RP1: variants seen among roughly 807,000 people sequenced by gnomAD.
The protein encoded by RP1 is RP1 axonemal microtubule associated.
Under a neutral mutation model 14.8 loss-of-function variants are expected in RP1, and 16 were observed. The observed-to-expected ratio is 1.08, with a 90% CI of 0.73 to 1.65. The LOEUF (loss-of-function observed/expected upper bound fraction) is 1.65. Among genes scored for constraint, RP1 ranks in the 40% most tolerant of loss-of-function variants. The probability of loss-of-function intolerance (pLI) is 0.00; values close to 1 mark genes in which losing one functional copy is unlikely to be tolerated. For synonymous variants in RP1, 876 were observed against 883.6 expected (o/e 0.99, Z 0.15); for missense variants, 2,631 against 2,535.0 (o/e 1.04, Z -0.81).
chr8:54,725,584 T>C (rs372735760), intron 16 of RP1, among the ~76,000 whole-genome samples: 3 of 152,336 alleles, frequency 2.0e-5, no homozygotes, highest in African/African-American at 7.2e-5. Flanking sequence ...TCATCTTACA[T>C]CGTTGACTGC....
chr8:54,763,280 A>T (rs1809685469), intron 22 of RP1, among the ~76,000 whole-genome samples: 1 of 152,144 alleles, frequency 6.6e-6, no homozygotes, highest in South Asian at 2.1e-4. Flanking sequence ...ATATTTGATA[A>T]CCTACTTGAC....
intron 26 of RP1, among the ~76,000 whole-genome samples, chr8:54,855,423 A>G (rs1812169581): frequency 6.6e-6 from 1 of 152,246 alleles, no homozygotes; most frequent in African/African-American, 2.4e-5. Flanking sequence ...TGATGTCGCT[A>G]TGAACATGAC....
intron 17 of RP1, among the ~76,000 whole-genome samples, chr8:54,733,469 A>T (rs1325218325): frequency 6.6e-6 from 1 of 152,128 alleles, no homozygotes; most frequent in South Asian, 2.1e-4. Flanking sequence ...CTTTCATAGC[A>T]TTTGTTTTTA....
chr8:54,706,576 G>A (rs1585623592), exon 15 of RP1: 1 of 1,536,042 alleles, frequency 6.5e-7, no homozygotes, highest in East Asian at 2.4e-5. Flanking sequence ...CATAAAATCA[G>A]CTCTGGGATT....
At chr8:54,727,377 T>C (rs578152243) in intron 17 of RP1, among the ~76,000 whole-genome samples, 1 of 152,226 alleles carries the variant, frequency 6.6e-6, no homozygotes, top group East Asian at 1.9e-4. Context: ...TTCAGTCTTG[T>C]GTCAGGAAGT....
At chr8:54,805,652 T>C (rs1317397030) in intron 24 of RP1, among the ~76,000 whole-genome samples, 1 of 152,146 alleles carries the variant, frequency 6.6e-6, no homozygotes, top group Non-Finnish European at 1.5e-5. Context: ...GGTATATTAG[T>C]TATAACATCC....
chr8:54,744,559 A>G (rs1809180275), intron 19 of RP1, among the ~76,000 whole-genome samples: 1 of 152,246 alleles, frequency 6.6e-6, no homozygotes, highest in Non-Finnish European at 1.5e-5. Context: ...TTGTTTAGGT[A>G]GAGTCACTTG....
rs530833786 is a variant in RP1, at chr8:54,869,856, T to A, written c.4165T>A (p.Tyr1389Asn). 3.4e-5 allele frequency: 42 copies of A among 1,230,362 alleles called. No homozygotes were observed. In the South Asian group the frequency reaches 1.6e-3, roughly 46 times the overall value. The allele number at this position is 1,230,362 out of a possible 1,614,324, so 76.2% of individuals were successfully genotyped here. A position where few individuals can be genotyped will look rare whatever the true frequency, so the allele number is the denominator to read the frequency against. Residue 1389 changes from tyrosine to asparagine, a missense_variant, in exon 29 of 29, where the codon TAC (tyrosine) becomes AAC (asparagine). Transcript: ENST00000637698. ...TTTGCATGGCAGATGGCTAGATGAG[T>A]ACCAAGATGATGGCAAGACCCAGCG...
intron 4 of RP1, among the ~76,000 whole-genome samples, chr8:54,651,117 T>C (rs1399869537): frequency 2.6e-5 from 4 of 152,184 alleles, no homozygotes; most frequent in Non-Finnish European, 4.4e-5. Flanking sequence ...TATTTGTATG[T>C]AGAACCAATT....
chr8:54,579,378 C>G (rs1804728899), intron 1 of RP1, among the ~76,000 whole-genome samples: 1 of 152,184 alleles, frequency 6.6e-6, no homozygotes, highest in Non-Finnish European at 1.5e-5. Flanking sequence ...AGGATTAATT[C>G]TGAAGGCTGA....
intron 1 of RP1, among the ~76,000 whole-genome samples, chr8:54,618,188 C>A (rs1805768854): frequency 6.6e-6 from 1 of 152,218 alleles, no homozygotes; most frequent in Admixed American, 6.5e-5. Context: ...TGCTGGGGAC[C>A]TGGCATCTTC....
intron 12 of RP1, among the ~76,000 whole-genome samples, chr8:54,696,102 AG>A (rs1807853964): frequency 6.6e-6 from 1 of 152,156 alleles, no homozygotes; most frequent in Non-Finnish European, 1.5e-5. Context: ...CTTAACTAAA[AG>A]TGTTTGCCTG....
intron 1 of RP1, among the ~76,000 whole-genome samples, chr8:54,570,594 C>T (rs1440012973): frequency 6.6e-6 from 1 of 151,348 alleles, no homozygotes; most frequent in Non-Finnish European, 1.5e-5. Context: ...TCCCAAAGTG[C>T]TAGAATTACA....
intron 17 of RP1, among the ~76,000 whole-genome samples, chr8:54,732,490 C>T (rs909271327): frequency 1.3e-5 from 2 of 152,142 alleles, no homozygotes; most frequent in African/African-American, 4.8e-5. Context: ...ATGAGCCCAA[C>T]ACAATGCCCA....
At position 54,683,437 on chromosome 8, in the gene RP1, A is replaced by G. The variant is rs548763536; in HGVS notation, c.1717+3504A>G. Among the ~76,000 whole-genome samples the G allele has an allele frequency of 1.4e-3, 220 of 152,256 alleles. No homozygotes were observed. In the Middle Eastern group the frequency reaches 0.017, roughly 12 times the overall value. On this transcript the variant is annotated intron_variant, in intron 12 of 22. Coordinates refer to the RP1 transcript ENST00000636932. ...ATATTGATTCTTCCTCTCTGTGAGC[A>G]TGGACTGTTTCTCTATTTGTTTGTG...
In RP1 at chr8:54,825,162, T is replaced by C. The variant is rs193010153; in HGVS notation, c.3616-12288T>C. Among the ~76,000 whole-genome samples, 147 of 152,232 alleles carry C rather than the reference T, an allele frequency of 9.7e-4. 1 individual carries two copies. The highest frequency in any genetic ancestry group is 2.1e-4 in the Non-Finnish European group (14 of 68,008). ...TTTGAGTAGAGACGAGGTTTCATTGTGTTAGCCAGGGTGGTCTTGATCTCC... is the reference window on the plus strand; with the variant it reads ...TTTGAGTAGAGACGAGGTTTCATTGCGTTAGCCAGGGTGGTCTTGATCTCC... On this transcript the variant is annotated intron_variant, in intron 24 of 28. Coordinates refer to the RP1 transcript ENST00000637698.
In RP1 at chr8:54,629,953, T is replaced by G; in HGVS notation, c.6071T>G (p.Phe2024Cys). ...GAGGAAGAAGGTAATTTAAAGAAATTTCAACCAGATTTGAAGGAAAGGTTT... is the reference window on the plus strand; with the variant it reads ...GAGGAAGAAGGTAATTTAAAGAAATGTCAACCAGATTTGAAGGAAAGGTTT... ...GLEEEGNLKK[F>C]QPDLKERFCM... Residue 2024 changes from phenylalanine to cysteine, a missense_variant, in exon 4 of 4, where the codon TTT (phenylalanine) becomes TGT (cysteine). Phe to Cys is a radical substitution (Grantham distance 205). Coordinates refer to ENST00000220676, the MANE Select transcript of RP1 (RefSeq NM_006269.2). The G allele has an allele frequency of 6.2e-7, 1 of 1,614,038 alleles. No individual in the cohort carries two copies. Among genetic ancestry groups the G allele is most frequent in the Non-Finnish European group, 8.5e-7 (1 of 1,179,972 alleles).
intron 24 of RP1, among the ~76,000 whole-genome samples, chr8:54,812,411 G>T (rs906323322): frequency 6.6e-6 from 1 of 152,152 alleles, no homozygotes. Context: ...AAAGTGCTGG[G>T]ATTACAGGCG....
rs376853917 is a variant in RP1 at position 54,749,638 on chromosome 8, C to T, written c.2809-5165C>T. Among the ~76,000 whole-genome samples the T allele has an allele frequency of 1.2e-3, 178 of 152,172 alleles. 1 individual carries two copies. Among genetic ancestry groups the T allele is most frequent in the African/African-American group, 3.7e-3 (152 of 41,518 alleles). ...CCTTCAAGAGGAGTTGGGACAGTGC[C>T]GGTCCCTATAGTTTAGAGAGGAATG... On this transcript the variant is annotated intron_variant, in intron 19 of 22. Coordinates refer to the RP1 transcript ENST00000636932.
Sources: allele counts gnomAD v4.1 joint callset (sites outside exome capture counted in the v4.1 genomes callset), GRCh38; gene constraint gnomAD v4.1.1; transcripts MANE v1.5; gene names NCBI Gene and HGNC (gene_info 2026-07-23, HGNC 2026-07-21).